Variants in LRBA observed in about 807,000 individuals in gnomAD.
The protein encoded by LRBA is lipopolysaccharide-responsive and beige-like anchor protein.
LRBA carries 176 observed loss-of-function variants against 330.0 expected under a neutral mutation model. The observed-to-expected ratio is 0.53, with a 90% CI of 0.47 to 0.60. The LOEUF (loss-of-function observed/expected upper bound fraction) is 0.60. Among genes scored for constraint, LRBA ranks in the 20% least tolerant of loss-of-function variants. The pLI is 0.00. For synonymous variants in LRBA, 1,230 were observed against 1,193.0 expected, an observed-to-expected ratio of 1.03 and a Z score of -0.64; for missense variants, 3,259 against 3,444.8, an observed-to-expected ratio of 0.95 and a Z score of 1.35.
At chr4:150,404,608 C>T (rs1407161634) in intron 47 of LRBA, among the ~76,000 whole-genome samples, 3 of 152,018 alleles carry the variant, frequency 2.0e-5, no homozygotes, top group African/African-American at 4.8e-5. Flanking sequence ...TCTGGCATTT[C>T]CCCCCACACT....
At chr4:150,555,128 G>T (rs1767125905) in intron 40 of LRBA, among the ~76,000 whole-genome samples, 2 of 152,002 alleles carry the variant, frequency 1.3e-5, no homozygotes, top group African/African-American at 2.4e-5. Context: ...TTAAACAAGG[G>T]GAGGAAGGAA....
chr4:150,672,783 T>A (rs535168992), intron 37 of LRBA, among the ~76,000 whole-genome samples: 1 of 152,184 alleles, frequency 6.6e-6, no homozygotes, highest in Non-Finnish European at 1.5e-5. Context: ...GTGAGGACAG[T>A]ATCCAAGTCT....
intron 47 of LRBA, among the ~76,000 whole-genome samples, chr4:150,362,402 A>T (rs993660352): frequency 6.6e-6 from 1 of 152,122 alleles, no homozygotes. Flanking sequence ...CTTTATCTCT[A>T]AAATTTCCCT....
intron 2 of LRBA, among the ~76,000 whole-genome samples, chr4:150,967,073 C>T (rs754305168): frequency 6.6e-6 from 1 of 152,090 alleles, no homozygotes; most frequent in Non-Finnish European, 1.5e-5. Flanking sequence ...TAATAAAAGT[C>T]TAATTTAATT....
chr4:151,007,910 T>C (rs1246081659), intron 2 of LRBA, among the ~76,000 whole-genome samples: 1 of 149,654 alleles, frequency 6.7e-6, no homozygotes, highest in Non-Finnish European at 1.5e-5. Context: ...TCTCACACCA[T>C]ACAAAAATTG....
chr4:150,300,920 A>G (rs974983533), intron 53 of LRBA, among the ~76,000 whole-genome samples: 2 of 152,088 alleles, frequency 1.3e-5, no homozygotes, highest in African/African-American at 4.8e-5. Context: ...AGAGAACATG[A>G]TTAAGTAAAA....
intron 37 of LRBA, among the ~76,000 whole-genome samples, chr4:150,675,822 CTAT>C (rs1431386588): frequency 8.5e-5 from 13 of 152,082 alleles, no homozygotes; most frequent in Non-Finnish European, 1.5e-4. Context: ...ATTCACATCA[CTAT>C]TATTATAATT....
rs148497220 is a variant in LRBA at position 150,765,245 on chromosome 4, G to A, written c.5581-3398C>T. Among the ~76,000 whole-genome samples, 386 of 152,126 alleles carry A rather than the reference G, an allele frequency of 2.5e-3. 2 individuals carry two copies. The highest frequency in any genetic ancestry group is 0.01 in the Middle Eastern group (3 of 294). Reference sequence around the variant, plus strand: ...ACTATGGAGAAATGTAAAAAGATCCGTGTTTATAGGGGTTAGTGGGAATGG... The same window carrying A: ...ACTATGGAGAAATGTAAAAAGATCCATGTTTATAGGGGTTAGTGGGAATGG... On this transcript the variant is annotated intron_variant, in intron 34 of 56. Coordinates refer to ENST00000651943, the MANE Select transcript of LRBA (RefSeq NM_001364905.1).
chr4:150,438,273 G>A (rs1257035198), intron 44 of LRBA, among the ~76,000 whole-genome samples: 1 of 152,136 alleles, frequency 6.6e-6, no homozygotes, highest in Non-Finnish European at 1.5e-5. Flanking sequence ...TTTGAGTCCA[G>A]GAGTTCAAGA....
chr4:150,486,108 G>C (rs541266603), intron 42 of LRBA, among the ~76,000 whole-genome samples: 1 of 151,816 alleles, frequency 6.6e-6, no homozygotes, highest in African/African-American at 2.4e-5. Context: ...ACACACAAAG[G>C]TAACTGTGAG....
At chr4:150,277,520 C>T (rs1746942827) in intron 56 of LRBA, among the ~76,000 whole-genome samples, 1 of 152,070 alleles carries the variant, frequency 6.6e-6, no homozygotes, top group East Asian at 1.9e-4. Flanking sequence ...CAGCCTTTGT[C>T]CAAGAGTGGC....
At chr4:150,647,256 GA>G (rs971785688) in intron 37 of LRBA, among the ~76,000 whole-genome samples, 1 of 138,068 alleles carries the variant, frequency 7.2e-6, no homozygotes. Flanking sequence ...ACTATAGCCT[GA>G]AAAAAAAATA....
In LRBA at chr4:150,476,433, C is replaced by G. The variant is rs560934770; in HGVS notation, c.6552-4694G>C. 1.3e-3 allele frequency among the ~76,000 whole-genome samples: 192 copies of G among 152,022 alleles called. 3 individuals carry two copies. Among genetic ancestry groups the G allele is most frequent in the African/African-American group, 4.2e-3 (176 of 41,468 alleles). ...TGTGTGAGGACAAAAAGAAAGATGC[C>G]CCCAAACCCAGGCACTCTCTAGGTT... On this transcript the variant is annotated intron_variant, in intron 42 of 56. Coordinates refer to ENST00000651943, the MANE Select transcript of LRBA (RefSeq NM_001364905.1).
chr4:150,766,847 G>A (rs753462831), intron 34 of LRBA, among the ~76,000 whole-genome samples: 2 of 152,120 alleles, frequency 1.3e-5, no homozygotes, highest in Non-Finnish European at 2.9e-5. Flanking sequence ...CTTTGGAGAG[G>A]AAGAACTCAA....
At chr4:150,539,991 T>C (rs1032002606) in intron 40 of LRBA, among the ~76,000 whole-genome samples, 3 of 152,242 alleles carry the variant, frequency 2.0e-5, no homozygotes, top group African/African-American at 7.2e-5. Context: ...TTTTATTTTT[T>C]AATTTTTATG....
chr4:150,651,767 GAAC>G (rs1779729032), intron 37 of LRBA, among the ~76,000 whole-genome samples: 1 of 152,162 alleles, frequency 6.6e-6, no homozygotes, highest in Non-Finnish European at 1.5e-5. Context: ...TATGTTCTAA[GAAC>G]AATAAGCCCA....
intron 47 of LRBA, among the ~76,000 whole-genome samples, chr4:150,373,471 T>C (rs749718224): frequency 2.0e-4 from 31 of 152,168 alleles, no homozygotes; most frequent in Non-Finnish European, 3.2e-4. Context: ...CTGCTCTCCA[T>C]ACCTACTTTG....
intron 36 of LRBA, among the ~76,000 whole-genome samples, chr4:150,734,445 T>C (rs2127139046): frequency 6.6e-6 from 1 of 152,270 alleles, no homozygotes; most frequent in Admixed American, 6.5e-5. Flanking sequence ...TCAGATTTGC[T>C]GGTTGTATAA....
chr4:150,474,327 T>C (rs891277941), intron 42 of LRBA, among the ~76,000 whole-genome samples: 3 of 152,214 alleles, frequency 2.0e-5, no homozygotes, highest in African/African-American at 7.2e-5. Flanking sequence ...CTTTAATTTA[T>C]ATGCCGATCT....
Sources: allele counts gnomAD v4.1 joint callset (sites outside exome capture counted in the v4.1 genomes callset), GRCh38; gene constraint gnomAD v4.1.1; transcripts MANE v1.5; gene names NCBI Gene and HGNC (gene_info 2026-07-23, HGNC 2026-07-21).